Variants in SGCD observed in about 807,000 individuals in gnomAD.
SGCD encodes sarcoglycan delta.
A neutral mutation model predicts 36.6 loss-of-function variants in SGCD; 18 were observed. The observed-to-expected ratio is 0.49, with a 90% CI of 0.34 to 0.73. The LOEUF (loss-of-function observed/expected upper bound fraction) is 0.73, where lower values mean the gene tolerates loss of function less well. SGCD is among the 30% of genes least tolerant of loss of function. The pLI is 0.01. For synonymous variants in SGCD, 133 were observed against 130.6 expected, an observed-to-expected ratio of 1.02 and a Z score of -0.12; for missense variants, 387 against 346.7, an observed-to-expected ratio of 1.12 and a Z score of -0.92.
chr5:156,181,494 T>C lies in SGCD; in HGVS notation c.-44+57475T>C, dbSNP rs140226360. On this transcript the variant is annotated intron_variant, in intron 3 of 9. Transcript: ENST00000517913. Reference sequence around the variant, plus strand: ...ACTAAGGAGAAGGGGACAATTACAATAGAATGAAGGGTACTATTACAATAG... The same window carrying C: ...ACTAAGGAGAAGGGGACAATTACAACAGAATGAAGGGTACTATTACAATAG... Among the ~76,000 whole-genome samples the C allele has an allele frequency of 1.7e-3, 260 of 152,262 alleles. 5 individuals are homozygous for C. The East Asian group carries it at 0.034, about 20-fold the overall frequency.
At chr5:156,348,149 A>T (rs1162260251) in intron 3 of SGCD, among the ~76,000 whole-genome samples, 1 of 152,142 alleles carries the variant, frequency 6.6e-6, no homozygotes, top group Non-Finnish European at 1.5e-5. Context: ...GGAAAGAATG[A>T]GGTATTAAGC....
chr5:155,742,647 C>T, the SGCD span, among the ~76,000 whole-genome samples: 150 of 152,282 alleles, frequency 9.9e-4, no homozygotes, highest in African/African-American at 3.5e-3. Context: ...TGTGGTTCCC[C>T]CCACCCACCT....
intron 3 of SGCD, among the ~76,000 whole-genome samples, chr5:156,206,006 T>A (rs550471090): frequency 0.017 from 2,542 of 147,702 alleles, 79 homozygotes; most frequent in African/African-American, 0.055. Context: ...ATATATATAT[T>A]ATATATTATA....
At chr5:156,544,971 C>A (rs537933479) in intron 4 of SGCD, among the ~76,000 whole-genome samples, 1 of 152,172 alleles carries the variant, frequency 6.6e-6, no homozygotes, top group Admixed American at 6.5e-5. Context: ...TGGGTGACCT[C>A]TTCAAATGTT....
intron 1 of SGCD, among the ~76,000 whole-genome samples, chr5:156,006,274 A>G (rs562547082): frequency 6.6e-6 from 1 of 152,342 alleles, no homozygotes; most frequent in East Asian, 1.9e-4. Flanking sequence ...CAGCATTTAT[A>G]TGCATTATGG....
At chr5:156,071,727 G>A (rs969880928) in intron 1 of SGCD, among the ~76,000 whole-genome samples, 14 of 152,090 alleles carry the variant, frequency 9.2e-5, no homozygotes, top group African/African-American at 1.7e-4. Flanking sequence ...TGTTGACAGT[G>A]GGGTGTTAAA....
intron 1 of SGCD, among the ~76,000 whole-genome samples, chr5:155,928,997 A>G (rs999528558): frequency 6.6e-6 from 1 of 152,160 alleles, no homozygotes; most frequent in Non-Finnish European, 1.5e-5. Flanking sequence ...AAATGTTAAA[A>G]GTAATATTTT....
chr5:156,405,545 C>T (rs187782740), intron 3 of SGCD, among the ~76,000 whole-genome samples: 16 of 152,244 alleles, frequency 1.1e-4, no homozygotes, highest in African/African-American at 2.2e-4. Context: ...AGTAAAATTG[C>T]CAAGTCTAGA....
At chr5:155,849,098 C>T in the SGCD span, among the ~76,000 whole-genome samples, 3 of 152,014 alleles carry the variant, frequency 2.0e-5, no homozygotes, top group Non-Finnish European at 4.4e-5. Flanking sequence ...AACCAAATTA[C>T]CTGGTATTGT....
At chr5:156,677,559 G>A (rs1361113621) in intron 7 of SGCD, among the ~76,000 whole-genome samples, 1 of 151,924 alleles carries the variant, frequency 6.6e-6, no homozygotes, top group Non-Finnish European at 1.5e-5. Context: ...GGAGGGGGAG[G>A]GATAGCATTA....
At chr5:156,517,320 T>C (rs116506800) in intron 4 of SGCD, among the ~76,000 whole-genome samples, 3,370 of 152,116 alleles carry the variant, frequency 0.022, 35 homozygotes, top group Non-Finnish European at 0.03. Flanking sequence ...TGAACAAAGC[T>C]GCCATGAACT....
chr5:156,077,819 C>T (rs1344201466), intron 1 of SGCD, among the ~76,000 whole-genome samples: 1 of 152,136 alleles, frequency 6.6e-6, no homozygotes, highest in African/African-American at 2.4e-5. Flanking sequence ...AGGTCGGTTT[C>T]TGCTCCTGGA....
chr5:156,691,323 G>T (rs1754103312), intron 7 of SGCD, among the ~76,000 whole-genome samples: 2 of 150,634 alleles, frequency 1.3e-5, no homozygotes, highest in Admixed American at 6.6e-5. Flanking sequence ...TAAAAATTCA[G>T]TTCCTCAGGC....
chr5:156,005,396 A>G (rs962158407), intron 1 of SGCD, among the ~76,000 whole-genome samples: 1 of 152,012 alleles, frequency 6.6e-6, no homozygotes, highest in African/African-American at 2.4e-5. Flanking sequence ...CTACAATGAA[A>G]ATTAGGTCGC....
chr5:155,954,707 GAA>G (rs1447975581), intron 1 of SGCD, among the ~76,000 whole-genome samples: 1 of 151,980 alleles, frequency 6.6e-6, no homozygotes, highest in South Asian at 2.1e-4. Flanking sequence ...GTTTTCCAGA[GAA>G]AGAGAACTAA....
chr5:155,795,844 T>A, the SGCD span, among the ~76,000 whole-genome samples: 1 of 152,158 alleles, frequency 6.6e-6, no homozygotes, highest in Admixed American at 6.5e-5. Context: ...TGCTAGAGTT[T>A]TTTAACCCTA....
intron 4 of SGCD, among the ~76,000 whole-genome samples, chr5:156,513,353 G>A (rs1201126771): frequency 6.6e-6 from 1 of 152,058 alleles, no homozygotes; most frequent in Non-Finnish European, 1.5e-5. Flanking sequence ...GTAGTTTTTA[G>A]CACCTTTCCA....
At chr5:155,955,876 A>C (rs984584519) in intron 1 of SGCD, among the ~76,000 whole-genome samples, 7 of 152,146 alleles carry the variant, frequency 4.6e-5, no homozygotes, top group African/African-American at 1.7e-4. Context: ...AGAAAATTTA[A>C]CATAGTCCCT....
At chr5:156,481,532 C>A (rs1196789105) in intron 3 of SGCD, among the ~76,000 whole-genome samples, 1 of 152,090 alleles carries the variant, frequency 6.6e-6, no homozygotes, top group East Asian at 1.9e-4. Context: ...CTACATCTGC[C>A]AGCCCAAAAT....
Sources: allele counts gnomAD v4.1 joint callset (sites outside exome capture counted in the v4.1 genomes callset), GRCh38; gene constraint gnomAD v4.1.1; transcripts MANE v1.5; gene names NCBI Gene and HGNC (gene_info 2026-07-23, HGNC 2026-07-21).